The following SYT16 variants were observed in gnomAD, a reference collection of about 807,000 sequenced individuals.
SYT16 encodes synaptotagmin 16, also known as synaptotagmin-16.
SYT16 carries 42 observed loss-of-function variants against 61.4 expected under a neutral mutation model. The ratio of observed to expected loss-of-function variants is 0.68; its 90% confidence interval spans 0.53 to 0.89. SYT16 has a LOEUF of 0.89. Ranked by LOEUF, SYT16 falls within the 40% of genes least tolerant of loss-of-function variation. SYT16 has a pLI of 0.00. For synonymous variants in SYT16, 314 were observed against 302.3 expected, an observed-to-expected ratio of 1.04 and a Z score of -0.40; for missense variants, 804 against 807.3, an observed-to-expected ratio of 1.00 and a Z score of 0.05.
chr14:62,063,507 A>G (rs1165513888), intron 3 of SYT16, among the ~76,000 whole-genome samples: 3 of 152,202 alleles, frequency 2.0e-5, no homozygotes, highest in Admixed American at 2.0e-4. Flanking sequence ...GATTAAAGGA[A>G]CTTGCTTAGG....
chr14:61,951,178 C>T (rs891965203), intron 1 of SYT16, among the ~76,000 whole-genome samples: 1 of 152,164 alleles, frequency 6.6e-6, no homozygotes, highest in Non-Finnish European at 1.5e-5. Flanking sequence ...GAACTTATAT[C>T]TGTGGACAGG....
intron 1 of SYT16, among the ~76,000 whole-genome samples, chr14:61,957,341 C>A (rs558023004): frequency 7.2e-5 from 11 of 151,926 alleles, no homozygotes; most frequent in Admixed American, 2.0e-4. Flanking sequence ...TTAGGACTTT[C>A]AGGACTATAT....
intron 1 of SYT16, among the ~76,000 whole-genome samples, chr14:61,924,604 C>T (rs538128583): frequency 3.2e-4 from 48 of 152,290 alleles, no homozygotes; most frequent in African/African-American, 9.4e-4. Context: ...TTAGTGCTAT[C>T]GGCTACATAT....
chr14:62,081,638 C>T (rs1380538988), intron 6 of SYT16, among the ~76,000 whole-genome samples: 2 of 152,168 alleles, frequency 1.3e-5, no homozygotes, highest in Non-Finnish European at 2.9e-5. Flanking sequence ...ACTTTCTGGG[C>T]AAGGTTCTTA....
intron 1 of SYT16, among the ~76,000 whole-genome samples, chr14:61,813,804 ATTTT>A (rs570260110): frequency 0.051 from 6,637 of 130,462 alleles, 371 homozygotes; most frequent in African/African-American, 0.15. Context: ...TTTGGAAGGT[ATTTT>A]TTTTTTTTTT....
rs17099490 is a variant in SYT16 at position 62,077,822 on chromosome 14, C to T, written c.993+2431C>T. 4.6e-3 allele frequency among the ~76,000 whole-genome samples: 693 copies of T among 152,302 alleles called. 7 individuals carry two copies. Among genetic ancestry groups the T allele is most frequent in the African/African-American group, 0.016 (656 of 41,558 alleles). On this transcript the variant is annotated intron_variant, in intron 5 of 7. Coordinates refer to ENST00000683842, the MANE Select transcript of SYT16 (RefSeq NM_001367656.1). ...GGCCTATCCAAAGCCCAGCCATTGG[C>T]AGGATCTGTTTATTCAGAGGAGTTC...
intron 1 of SYT16, among the ~76,000 whole-genome samples, chr14:61,894,813 C>T (rs1305462392): frequency 3.9e-5 from 6 of 152,146 alleles, no homozygotes; most frequent in African/African-American, 1.2e-4. Context: ...AACTTAAAAT[C>T]GCTTTAATTA....
rs978021858 is a variant in SYT16, at chr14:62,103,438, C to T, written c.*2731C>T. ...GAAGAGCATGCTTTTAAAATAATAT[C>T]GTTAAGAGTAAATGATGCGCTGGGT... On this transcript the variant is annotated 3_prime_UTR_variant, in exon 8 of 8. Transcript: ENST00000683842. The T allele has an allele frequency of 2.6e-5, 4 of 152,134 alleles. No homozygotes were observed. The highest frequency in any genetic ancestry group is 2.1e-4 in the South Asian group (1 of 4,824). 9.4% of individuals were successfully genotyped at this position (152,134 alleles called of 1,614,324 possible). A position where few individuals can be genotyped will look rare whatever the true frequency, so the allele number is the denominator to read the frequency against.
chr14:61,977,348 T>C (rs2051855965), intron 2 of SYT16, among the ~76,000 whole-genome samples: 1 of 152,242 alleles, frequency 6.6e-6, no homozygotes, highest in African/African-American at 2.4e-5. Flanking sequence ...TATAAAGGAC[T>C]GGCTGAAACT....
chr14:61,889,676 C>T (rs78925373), intron 1 of SYT16, among the ~76,000 whole-genome samples: 94 of 152,008 alleles, frequency 6.2e-4, no homozygotes, highest in Non-Finnish European at 1.2e-3. Context: ...CTTCTCCACT[C>T]ATGTACCCTC....
intron 3 of SYT16, among the ~76,000 whole-genome samples, chr14:62,064,377 T>C (rs1237843605): frequency 7.8e-6 from 1 of 128,678 alleles, no homozygotes; most frequent in Non-Finnish European, 1.6e-5. Flanking sequence ...TGGGGAGAGA[T>C]TGGAAAATGC....
chr14:61,924,505 TTC>T (rs2049458963), intron 1 of SYT16, among the ~76,000 whole-genome samples: 1 of 152,214 alleles, frequency 6.6e-6, no homozygotes, highest in Non-Finnish European at 1.5e-5. Context: ...GTATTTCCTT[TTC>T]ATTATTAAAT....
In SYT16 at chr14:61,933,059, A is replaced by C. The variant is rs988735017; in HGVS notation, c.-324-37073A>C. Among the ~76,000 whole-genome samples, 5 of 152,270 alleles carry C rather than the reference A, an allele frequency of 3.3e-5. No homozygotes were observed. In the South Asian group the frequency reaches 1.0e-3, roughly 32 times the overall value. Reference sequence around the variant, plus strand: ...TTTGGTGGAATATCTTTGACAGGTGAGTTTGGGAAAGCCAGTCTAGTTGCC... The same window carrying C: ...TTTGGTGGAATATCTTTGACAGGTGCGTTTGGGAAAGCCAGTCTAGTTGCC... On this transcript the variant is annotated intron_variant, in intron 1 of 7. Coordinates refer to ENST00000683842, the MANE Select transcript of SYT16 (RefSeq NM_001367656.1).
At chr14:61,904,722 A>G (rs1181957747) in intron 1 of SYT16, among the ~76,000 whole-genome samples, 1 of 152,208 alleles carries the variant, frequency 6.6e-6, no homozygotes, top group African/African-American at 2.4e-5. Flanking sequence ...GACATACTGC[A>G]TTCTTCTCAC....
intron 1 of SYT16, among the ~76,000 whole-genome samples, chr14:61,882,641 G>A (rs1227545202): frequency 1.3e-5 from 2 of 152,016 alleles, no homozygotes; most frequent in Non-Finnish European, 2.9e-5. Context: ...TTCAAAACAC[G>A]ATCATGCCTT....
At chr14:62,016,539 C>CAAAAAAAAAAA in intron 3 of SYT16, among the ~76,000 whole-genome samples, 1 of 97,272 alleles carries the variant, frequency 1.0e-5, no homozygotes, top group African/African-American at 3.8e-5. Flanking sequence ...TCTAAAAATA[C>CAAAAAAAAAAA]AAAAAAAAAA....
At chr14:62,025,578 C>T (rs1595187985) in intron 3 of SYT16, among the ~76,000 whole-genome samples, 1 of 152,174 alleles carries the variant, frequency 6.6e-6, no homozygotes, top group East Asian at 1.9e-4. Flanking sequence ...GTGTGTTTTG[C>T]AGAGCAGATG....
intron 1 of SYT16, among the ~76,000 whole-genome samples, chr14:61,954,320 T>TACCC (rs2050786121): frequency 2.0e-5 from 3 of 151,918 alleles, no homozygotes; most frequent in Non-Finnish European, 4.4e-5. Context: ...TTTTTTTTTT[T>TACCC]TTTTTACCCC....
At chr14:61,846,622 G>C (rs917031345) in intron 1 of SYT16, among the ~76,000 whole-genome samples, 1 of 152,104 alleles carries the variant, frequency 6.6e-6, no homozygotes, top group Non-Finnish European at 1.5e-5. Flanking sequence ...CTGCCAGCCT[G>C]CATCTTTTGA....
Sources: gnomAD v4.1 joint callset for allele counts (sites outside exome capture counted in the v4.1 genomes callset) on GRCh38, gnomAD v4.1.1 for gene constraint, MANE v1.5 for transcripts, NCBI Gene and HGNC (gene_info 2026-07-23, HGNC 2026-07-21) for gene names.